ANKH: variants seen among roughly 807,000 people sequenced by gnomAD.
ANKH encodes the protein ANKH inorganic pyrophosphate transport regulator.
ANKH carries 15 observed loss-of-function variants against 49.0 expected under a neutral mutation model. The observed-to-expected ratio is 0.31, with a 90% CI of 0.20 to 0.47. The LOEUF (loss-of-function observed/expected upper bound fraction) is 0.47. ANKH is among the 20% of genes least tolerant of loss of function. ANKH has a pLI of 1.00. For synonymous variants in ANKH, 273 were observed against 260.0 expected (o/e 1.05, Z -0.48); for missense variants, 429 against 652.0 (o/e 0.66, Z 3.72).
At position 14,716,847 on chromosome 5, in the gene ANKH, G is replaced by A. The variant is rs754011934; in HGVS notation, c.1012-12C>T. On this transcript the variant is annotated splice_polypyrimidine_tract_variant and intron_variant, in intron 8 of 11. Transcript: ENST00000284268. ...ATCACGAAACAGAGCTGGGGAGAAA[G>A]ACATCAAACAGGGTTGTGAGGAAAA... The A allele has an allele frequency of 6.2e-7, 1 of 1,613,608 alleles. No homozygotes were observed. The highest frequency in any genetic ancestry group is 2.2e-5 in the East Asian group (1 of 44,862).
intron 1 of ANKH, among the ~76,000 whole-genome samples, chr5:14,815,464 G>A (rs563811186): frequency 1.7e-4 from 26 of 152,266 alleles, no homozygotes; most frequent in African/African-American, 6.3e-4. Flanking sequence ...CTTGTCACCT[G>A]CAATTTTTGC....
At chr5:14,822,455 T>C (rs1741222052) in intron 1 of ANKH, among the ~76,000 whole-genome samples, 1 of 152,174 alleles carries the variant, frequency 6.6e-6, no homozygotes, top group Non-Finnish European at 1.5e-5. Context: ...AGAATGAATA[T>C]TTCACACTTC....
At chr5:14,825,226 G>C (rs989225965) in intron 1 of ANKH, among the ~76,000 whole-genome samples, 1 of 152,192 alleles carries the variant, frequency 6.6e-6, no homozygotes, top group African/African-American at 2.4e-5. Context: ...AAGTCTTTAA[G>C]GTACGCTGGT....
At position 14,865,463 on chromosome 5, in the gene ANKH, A is replaced by G. The variant is rs113711085; in HGVS notation, c.96+5889T>C. On this transcript the variant is annotated intron_variant, in intron 1 of 11. Coordinates refer to ENST00000284268, the MANE Select transcript of ANKH (RefSeq NM_054027.6). ...ATTTTGAAATTTATTCTGTTACTAC[A>G]GAATAGACTGGAGGGGGAAAGTCTC... Among the ~76,000 whole-genome samples, 889 of 152,332 alleles carry G rather than the reference A, an allele frequency of 5.8e-3. 1 individual carries two copies. The highest frequency in any genetic ancestry group is 0.019 in the African/African-American group (806 of 41,586).
In ANKH at chr5:14,710,990, A is replaced by G. The variant is rs1167007825; in HGVS notation, c.*207T>C. ...TTGTTTCGTTTGTTTTTACATAGCA[A>G]CAGTAAAGACCATTCACTAGGTCCC... On this transcript the variant is annotated 3_prime_UTR_variant, in exon 12 of 12. Coordinates refer to ENST00000284268, the MANE Select transcript of ANKH (RefSeq NM_054027.6). 3.4e-6 allele frequency: 2 copies of G among 581,570 alleles called. No homozygotes were observed. Among genetic ancestry groups the G allele is most frequent in the Non-Finnish European group, 6.2e-6 (2 of 322,994 alleles). The allele number at this position is 581,570 out of a possible 1,614,324, so 36.0% of individuals were successfully genotyped here.
intron 1 of ANKH, among the ~76,000 whole-genome samples, chr5:14,774,038 C>A (rs1739533875): frequency 1.3e-5 from 2 of 152,124 alleles, no homozygotes; most frequent in African/African-American, 2.4e-5. Flanking sequence ...AAGAAACATT[C>A]AAAAGTATGA....
At chr5:14,819,905 A>ACACG (rs1325027774) in intron 1 of ANKH, among the ~76,000 whole-genome samples, 2 of 42,478 alleles carry the variant, frequency 4.7e-5, no homozygotes, top group African/African-American at 1.6e-4. Flanking sequence ...AAATATACAC[A>ACACG]CACACACACA....
intron 8 of ANKH, among the ~76,000 whole-genome samples, chr5:14,740,907 T>A (rs982837525): frequency 6.6e-6 from 1 of 152,214 alleles, no homozygotes; most frequent in Non-Finnish European, 1.5e-5. Flanking sequence ...TCTGCAAATA[T>A]TTCTATTGTA....
chr5:14,858,848 G>T (rs1421676715), intron 1 of ANKH, among the ~76,000 whole-genome samples: 1 of 151,570 alleles, frequency 6.6e-6, no homozygotes, highest in East Asian at 1.9e-4. Context: ...GCTTGCATAA[G>T]ATATTCTTAT....
chr5:14,832,239 A>G (rs1741526669), intron 1 of ANKH, among the ~76,000 whole-genome samples: 1 of 152,228 alleles, frequency 6.6e-6, no homozygotes, highest in Non-Finnish European at 1.5e-5. Context: ...AACTAAAAAC[A>G]TAACAAAAAT....
intron 1 of ANKH, among the ~76,000 whole-genome samples, chr5:14,862,004 G>A (rs977284227): frequency 2.0e-5 from 3 of 152,220 alleles, no homozygotes; most frequent in Non-Finnish European, 2.9e-5. Context: ...GGGAGGCCAA[G>A]GCAGGTGGAT....
rs368823487 is a variant in ANKH, at chr5:14,761,029, C to T, written c.314-2431G>A. Reference sequence around the variant, plus strand: ...TCCAATGACTGATGTTCTTATAAAACGGATATTCAGATACAGAGGCAGATG... The same window carrying T: ...TCCAATGACTGATGTTCTTATAAAATGGATATTCAGATACAGAGGCAGATG... On this transcript the variant is annotated intron_variant, in intron 2 of 11. Transcript: ENST00000284268. 1.6e-4 allele frequency among the ~76,000 whole-genome samples: 25 copies of T among 152,174 alleles called. 1 individual carries two copies. The South Asian group carries it at 3.9e-3, about 24-fold the overall frequency.
intron 1 of ANKH, among the ~76,000 whole-genome samples, chr5:14,816,036 A>G (rs1166470257): frequency 6.6e-6 from 1 of 152,214 alleles, no homozygotes; most frequent in Non-Finnish European, 1.5e-5. Flanking sequence ...ATTTTTTGGC[A>G]TATCAGTTTG....
At chr5:14,843,862 A>G (rs1012049029) in intron 1 of ANKH, among the ~76,000 whole-genome samples, 2 of 152,236 alleles carry the variant, frequency 1.3e-5, no homozygotes, top group Admixed American at 1.3e-4. Flanking sequence ...AGACAGTACC[A>G]TTCATACACA....
At chr5:14,816,219 T>C (rs1245230545) in intron 1 of ANKH, among the ~76,000 whole-genome samples, 4 of 152,226 alleles carry the variant, frequency 2.6e-5, no homozygotes. Context: ...ACAGAAGTCA[T>C]TGTCTTAGGA....
chr5:14,755,294 C>T (rs1380949727), intron 4 of ANKH, among the ~76,000 whole-genome samples: 1 of 152,130 alleles, frequency 6.6e-6, no homozygotes, highest in Non-Finnish European at 1.5e-5. Flanking sequence ...GAGAATTGGA[C>T]CCAACAGAAA....
chr5:14,822,317 A>G (rs531173194), intron 1 of ANKH, among the ~76,000 whole-genome samples: 1 of 152,348 alleles, frequency 6.6e-6, no homozygotes, highest in East Asian at 1.9e-4. Flanking sequence ...AATTTCAACT[A>G]TTTATTTTTA....
At chr5:14,822,491 C>T (rs1741223120) in intron 1 of ANKH, among the ~76,000 whole-genome samples, 1 of 152,192 alleles carries the variant, frequency 6.6e-6, no homozygotes. Flanking sequence ...AGCAGAATCA[C>T]ATAATGACCC....
Position 14,770,327 on chromosome 5 carries a change from A to G in ANKH, c.97-1136T>C, listed in dbSNP as rs531078587. Among the ~76,000 whole-genome samples the G allele has an allele frequency of 3.9e-5, 6 of 152,214 alleles. No individual in the cohort carries two copies. The East Asian group carries it at 1.2e-3, about 29-fold the overall frequency. ...ACGGACACATCATTATTACTCAAAG[A>G]CCAGACAGTAGTCCCCCCTTATCCT... On this transcript the variant is annotated intron_variant, in intron 1 of 11. Coordinates refer to ENST00000284268, the MANE Select transcript of ANKH (RefSeq NM_054027.6). This position sits in a 1 kb window ranked among gnomAD's most constrained non-coding sequence, Gnocchi z 4.1.
Sources: gnomAD v4.1 joint callset for allele counts (sites outside exome capture counted in the v4.1 genomes callset) on GRCh38, gnomAD v4.1.1 for gene constraint, Gnocchi (gnomAD v3.1) non-coding constraint, MANE v1.5 for transcripts, NCBI Gene and HGNC (gene_info 2026-07-23, HGNC 2026-07-21) for gene names.